SLC39A8: variants seen among roughly 807,000 people sequenced by gnomAD.
The protein encoded by SLC39A8 is metal cation symporter ZIP8.
A neutral mutation model predicts 40.4 loss-of-function variants in SLC39A8; 15 were observed. The ratio of observed to expected loss-of-function variants is 0.37; its 90% CI spans 0.25 to 0.57. The LOEUF (loss-of-function observed/expected upper bound fraction) is 0.57. Among genes scored for constraint, SLC39A8 ranks in the 20% least tolerant of loss-of-function variants. The pLI is 0.75. For missense variants in SLC39A8, 472 were observed against 558.8 expected (o/e 0.84, Z 1.57); for synonymous variants, 223 against 221.6 (o/e 1.01, Z -0.06).
intron 6 of SLC39A8, among the ~76,000 whole-genome samples, chr4:102,288,534 TA>T (rs1217816369): frequency 6.6e-6 from 1 of 152,066 alleles, no homozygotes; most frequent in Non-Finnish European, 1.5e-5. Context: ...TGATTAAACT[TA>T]GTGAGGAAAA....
chr4:102,258,085 T>C (rs1160713752), downstream of SLC39A8, among the ~76,000 whole-genome samples: 1 of 151,794 alleles, frequency 6.6e-6, no homozygotes, highest in Non-Finnish European at 1.5e-5. Flanking sequence ...CACAGGTTTG[T>C]TGTAAGTAAG....
At chr4:102,279,958 T>C (rs911040646) in intron 6 of SLC39A8, among the ~76,000 whole-genome samples, 1 of 152,204 alleles carries the variant, frequency 6.6e-6, no homozygotes, top group South Asian at 2.1e-4. Context: ...TCCGCTCTTC[T>C]TTCCCCATAA....
At chr4:102,329,183 G>A (rs1735342877) in intron 2 of SLC39A8, among the ~76,000 whole-genome samples, 1 of 152,164 alleles carries the variant, frequency 6.6e-6, no homozygotes, top group African/African-American at 2.4e-5. Flanking sequence ...GGTGAAATGT[G>A]AAGGAAAAAG....
At chr4:102,264,557 G>A (rs914164010) in intron 8 of SLC39A8, among the ~76,000 whole-genome samples, 1 of 152,198 alleles carries the variant, frequency 6.6e-6, no homozygotes, top group African/African-American at 2.4e-5. Flanking sequence ...GTTACCAGCT[G>A]CATTAGTCCC....
intron 6 of SLC39A8, among the ~76,000 whole-genome samples, chr4:102,282,971 C>T (rs555152517): frequency 6.6e-6 from 1 of 152,292 alleles, no homozygotes; most frequent in East Asian, 1.9e-4. Flanking sequence ...CATGATCCAC[C>T]TGCCTCAGCC....
chr4:102,290,571 G>A (rs1733383925), intron 6 of SLC39A8, among the ~76,000 whole-genome samples: 1 of 152,104 alleles, frequency 6.6e-6, no homozygotes, highest in Non-Finnish European at 1.5e-5. Context: ...ACAACAGTGT[G>A]TGATTCTAAC....
At chr4:102,325,112 C>T (rs921292250) in intron 2 of SLC39A8, among the ~76,000 whole-genome samples, 8 of 152,010 alleles carry the variant, frequency 5.3e-5, no homozygotes, top group Non-Finnish European at 7.4e-5. Context: ...TATATACACA[C>T]GCTGAATCTC....
chr4:102,344,870 C>G lies in SLC39A8; in HGVS notation c.-208G>C, dbSNP rs1344244319. 3 of 1,304,852 alleles carry G rather than the reference C, an allele frequency of 2.3e-6. No individual in the cohort carries two copies. The highest frequency in any genetic ancestry group is 2.9e-6 in the Non-Finnish European group (3 of 1,032,038). 80.8% of individuals were successfully genotyped at this position (1,304,852 alleles called of 1,614,324 possible). ...CGGGGCATTGAAGTGGCAGCGTAGC[C>G]GAGGGGAGCGATAGGCGGAGTGGGC... On this transcript the variant is annotated 5_prime_UTR_variant, in exon 2 of 9. Transcript: ENST00000356736.
chr4:102,342,476 C>G (rs1735986648), intron 2 of SLC39A8, among the ~76,000 whole-genome samples: 2 of 152,006 alleles, frequency 1.3e-5, no homozygotes, highest in African/African-American at 4.8e-5. Flanking sequence ...CCAGCCTGAG[C>G]AACAAGAGTA....
rs376910589 is a variant in SLC39A8 at position 102,304,485 on chromosome 4, T to C, written c.676-4A>G. 183 of 1,606,134 alleles carry C rather than the reference T, an allele frequency of 1.1e-4. No individual in the cohort carries two copies. The highest frequency in any genetic ancestry group is 1.5e-4 in the Non-Finnish European group (172 of 1,175,924). On this transcript the variant is annotated splice_polypyrimidine_tract_variant and splice_region_variant and intron_variant, in intron 5 of 8. Coordinates refer to ENST00000356736, the MANE Select transcript of SLC39A8 (RefSeq NM_001135146.2). The stretch of plus-strand genomic sequence containing the variant: ...TTCCAAAGTGGGTATGACCATTCTA[T>C]ATGGGAACAAAAACCAAAGAGATTA...
At chr4:102,278,243 C>T (rs1732709034) in intron 6 of SLC39A8, among the ~76,000 whole-genome samples, 1 of 152,106 alleles carries the variant, frequency 6.6e-6, no homozygotes, top group Non-Finnish European at 1.5e-5. Context: ...ATCCATCTGA[C>T]AAAGGGCTAA....
At chr4:102,344,365 A>G in intron 2 of SLC39A8, 79 bp downstream of exon 2, 1 of 1,042,868 alleles carries the variant, frequency 9.6e-7, no homozygotes, top group African/African-American at 1.7e-5. Flanking sequence ...CACTTTTCCC[A>G]AATAAAAACG....
intron 6 of SLC39A8, among the ~76,000 whole-genome samples, chr4:102,276,033 G>C (rs1732603215): frequency 6.6e-6 from 1 of 152,066 alleles, no homozygotes; most frequent in Admixed American, 6.6e-5. Flanking sequence ...GGAGAAAGTG[G>C]AAAAGATCTA....
chr4:102,304,938 A>T, intron 5 of SLC39A8, 51 bp downstream of exon 5: 8 of 1,501,272 alleles, frequency 5.3e-6, no homozygotes, highest in Non-Finnish European at 6.3e-6. Flanking sequence ...TGCCTATATA[A>T]AGTAGCTTTA....
At chr4:102,256,862 A>C (rs182915359), downstream of SLC39A8, among the ~76,000 whole-genome samples, 649 of 152,332 alleles carry the variant, frequency 4.3e-3, 3 homozygotes, top group Middle Eastern at 0.027. Context: ...GGGACTGATT[A>C]CAAACATGCA....
chr4:102,277,907 T>C (rs1348752659), intron 6 of SLC39A8, among the ~76,000 whole-genome samples: 1 of 152,230 alleles, frequency 6.6e-6, no homozygotes, highest in Admixed American at 6.5e-5. Flanking sequence ...ATTTAATAAA[T>C]GGTTTTGGGA....
At chr4:102,275,077 A>G (rs1732556049) in intron 6 of SLC39A8, among the ~76,000 whole-genome samples, 1 of 152,224 alleles carries the variant, frequency 6.6e-6, no homozygotes, top group Non-Finnish European at 1.5e-5. Context: ...CATCATAATG[A>G]CAGGATCAAA....
chr4:102,340,009 A>G (rs1377820184), intron 2 of SLC39A8, among the ~76,000 whole-genome samples: 1 of 152,248 alleles, frequency 6.6e-6, no homozygotes, highest in Non-Finnish European at 1.5e-5. Flanking sequence ...AACCTCAGGC[A>G]TAAATGGGTT....
intron 6 of SLC39A8, among the ~76,000 whole-genome samples, chr4:102,296,048 T>C (rs929913028): frequency 1.3e-5 from 2 of 152,092 alleles, no homozygotes; most frequent in Non-Finnish European, 2.9e-5. Context: ...TTCTCTTCCA[T>C]TAAGAGAGAG....
Sources: gnomAD v4.1 joint callset for allele counts (sites outside exome capture counted in the v4.1 genomes callset) on GRCh38, gnomAD v4.1.1 for gene constraint, MANE v1.5 for transcripts, NCBI Gene and HGNC (gene_info 2026-07-23, HGNC 2026-07-21) for gene names.